The following PPP3CA variants were observed in gnomAD, a reference collection of about 807,000 sequenced individuals.
The protein encoded by PPP3CA is protein phosphatase 3 catalytic subunit alpha, also known as CAM-PRP catalytic subunit.
PPP3CA carries 14 observed loss-of-function variants against 66.5 expected under a neutral mutation model. The ratio of observed to expected loss-of-function variants is 0.21; its 90% CI spans 0.14 to 0.33. The LOEUF (loss-of-function observed/expected upper bound fraction) is 0.33. Ranked by LOEUF, PPP3CA falls within the 10% of genes least tolerant of loss-of-function variation. The pLI, the probability that PPP3CA is intolerant of heterozygous loss-of-function variation, is 1.00. For synonymous variants in PPP3CA, 232 were observed against 226.2 expected (o/e 1.03, Z -0.23); for missense variants, 317 against 639.5 (o/e 0.50, Z 5.44).
intron 6 of PPP3CA, among the ~76,000 whole-genome samples, chr4:101,090,874 GTCTATATTATAATATACACACATATC>G (rs1321094751): frequency 2.4e-4 from 29 of 122,234 alleles, no homozygotes; most frequent in African/African-American, 9.5e-4. Flanking sequence ...ACATATCTGT[GTCTATATTATAATATACACACATATC>G]TGTGTCTATA....
In PPP3CA at chr4:101,209,547, C is replaced by T. The variant is rs138024347; in HGVS notation, c.59-13431G>A. 1.5e-4 allele frequency among the ~76,000 whole-genome samples: 23 copies of T among 152,162 alleles called. 1 individual carries two copies. Among genetic ancestry groups the T allele is most frequent in the South Asian group, 1.2e-3 (6 of 4,822 alleles). On this transcript the variant is annotated intron_variant, in intron 1 of 13. Coordinates refer to ENST00000394854, the MANE Select transcript of PPP3CA (RefSeq NM_000944.5). The stretch of plus-strand genomic sequence containing the variant: ...AAGACAAAATTTTGGATCAGAATCA[C>T]GACAAGAAGCCATTTAAAGTACAAT...
intron 2 of PPP3CA, among the ~76,000 whole-genome samples, chr4:101,176,493 G>A (rs1281021817): frequency 1.3e-5 from 2 of 152,150 alleles, no homozygotes; most frequent in Non-Finnish European, 2.9e-5. Flanking sequence ...TTCCAGCTGT[G>A]AGTGGCAGTG....
At chr4:101,031,075 AAACTC>A (rs1244001466) in intron 12 of PPP3CA, among the ~76,000 whole-genome samples, 4 of 126,584 alleles carry the variant, frequency 3.2e-5, no homozygotes, top group Admixed American at 7.4e-5. Context: ...CTTTTTGTAA[AAACTC>A]AAAAGACACT....
At chr4:101,175,159 A>C (rs896989041) in intron 2 of PPP3CA, among the ~76,000 whole-genome samples, 2 of 152,164 alleles carry the variant, frequency 1.3e-5, no homozygotes, top group African/African-American at 4.8e-5. Flanking sequence ...TTGGAAGAAG[A>C]AGCTGGAATG....
intron 1 of PPP3CA, among the ~76,000 whole-genome samples, chr4:101,226,211 T>C (rs761629721): frequency 7.2e-5 from 11 of 151,756 alleles, no homozygotes; most frequent in Non-Finnish European, 1.5e-4. Context: ...TCCAGGCTTC[T>C]TGCAATCTTC....
intron 2 of PPP3CA, among the ~76,000 whole-genome samples, chr4:101,177,423 C>T (rs1408106034): frequency 1.3e-5 from 2 of 152,062 alleles, no homozygotes; most frequent in African/African-American, 2.4e-5. Context: ...CTCGGGATTC[C>T]TGATTCATAG....
intron 2 of PPP3CA, among the ~76,000 whole-genome samples, chr4:101,123,587 T>C (rs1722102347): frequency 6.6e-6 from 1 of 152,116 alleles, no homozygotes; most frequent in South Asian, 2.1e-4. Context: ...TCCTAGCATT[T>C]TGGGAGGTGG....
intron 2 of PPP3CA, among the ~76,000 whole-genome samples, chr4:101,137,802 G>C: frequency 6.7e-6 from 1 of 149,890 alleles, no homozygotes; most frequent in Non-Finnish European, 1.5e-5. Context: ...ATAAGAAAGA[G>C]AGCAATTTAC....
chr4:101,048,095 T>C (rs1727847876), intron 10 of PPP3CA, among the ~76,000 whole-genome samples: 1 of 152,134 alleles, frequency 6.6e-6, no homozygotes, highest in South Asian at 2.1e-4. Flanking sequence ...GAGGTTTTTA[T>C]AGCTCAAGGA....
intron 1 of PPP3CA, among the ~76,000 whole-genome samples, chr4:101,198,096 C>A (rs546964884): frequency 1.5e-4 from 23 of 151,814 alleles, no homozygotes; most frequent in African/African-American, 5.6e-4. Flanking sequence ...ATGTATAATG[C>A]CAAAGAATAG....
chr4:101,164,239 C>A (rs529918703), intron 2 of PPP3CA, among the ~76,000 whole-genome samples: 1 of 143,934 alleles, frequency 6.9e-6, no homozygotes, highest in Admixed American at 7.4e-5. Context: ...CTCCCTTATC[C>A]CACCCCATAC....
chr4:101,160,763 AAATG>A (rs1467629723), intron 2 of PPP3CA, among the ~76,000 whole-genome samples: 1 of 152,138 alleles, frequency 6.6e-6, no homozygotes, highest in Non-Finnish European at 1.5e-5. Context: ...TTAATCAGAC[AAATG>A]AAGATGTTCT....
In PPP3CA at chr4:101,172,573, A is replaced by C. The variant is rs531374218; in HGVS notation, c.259+23343T>G. Reference sequence around the variant, plus strand: ...TTTTCCTCACTTTCCTTTCTTTTAAAATCTTAAAACGAGTCTTTGTCCCCC... The same window carrying C: ...TTTTCCTCACTTTCCTTTCTTTTAACATCTTAAAACGAGTCTTTGTCCCCC... On this transcript the variant is annotated intron_variant, in intron 2 of 13. Transcript: ENST00000394854. Among the ~76,000 whole-genome samples the C allele has an allele frequency of 2.0e-5, 3 of 152,186 alleles. No individual in the cohort carries two copies. The South Asian group carries it at 6.2e-4, about 32-fold the overall frequency.
chr4:101,136,497 C>T (rs914242551), intron 2 of PPP3CA, among the ~76,000 whole-genome samples: 1 of 151,616 alleles, frequency 6.6e-6, no homozygotes, highest in East Asian at 1.9e-4. Flanking sequence ...ACCAAGATCG[C>T]GCCAGTGCAC....
At chr4:101,137,948 C>T (rs1011917906) in intron 2 of PPP3CA, among the ~76,000 whole-genome samples, 2 of 151,342 alleles carry the variant, frequency 1.3e-5, no homozygotes, top group Middle Eastern at 3.5e-3. Flanking sequence ...CCAGCAAGGA[C>T]TTTGTCTTTA....
intron 1 of PPP3CA, among the ~76,000 whole-genome samples, chr4:101,198,257 G>A (rs1240311201): frequency 6.6e-6 from 1 of 152,006 alleles, no homozygotes; most frequent in Admixed American, 6.6e-5. Context: ...TGCTTGTTAG[G>A]AAAACATGTA....
At chr4:101,166,281 T>A (rs78331851) in intron 2 of PPP3CA, among the ~76,000 whole-genome samples, 4,558 of 152,212 alleles carry the variant, frequency 0.03, 460 homozygotes, top group Admixed American at 0.19. Context: ...GGTACACAAT[T>A]CTTTGGTGTC....
At chr4:101,205,404 C>G (rs933463534) in intron 1 of PPP3CA, among the ~76,000 whole-genome samples, 2 of 152,022 alleles carry the variant, frequency 1.3e-5, no homozygotes, top group Non-Finnish European at 2.9e-5. Flanking sequence ...AACTCAACAG[C>G]CTAAGTAAGA....
intron 1 of PPP3CA, among the ~76,000 whole-genome samples, chr4:101,283,228 C>T (rs1727741663): frequency 6.6e-6 from 1 of 152,214 alleles, no homozygotes; most frequent in African/African-American, 2.4e-5. Context: ...TGGTCAACAA[C>T]ATAGGTTCAG....
Sources: allele counts gnomAD v4.1 joint callset (sites outside exome capture counted in the v4.1 genomes callset), GRCh38; gene constraint gnomAD v4.1.1; transcripts MANE v1.5; gene names NCBI Gene and HGNC (gene_info 2026-07-23, HGNC 2026-07-21).